Variants in NCAM2 observed in about 807,000 individuals in gnomAD.
NCAM2 encodes the protein N-CAM-2.
In NCAM2, 30 loss-of-function variants were observed where a neutral mutation model predicts 98.1. The ratio of observed to expected loss-of-function variants is 0.31; its 90% CI spans 0.23 to 0.41. NCAM2 has a LOEUF of 0.41. Among genes scored for constraint, NCAM2 ranks in the 10% least tolerant of loss-of-function variants. NCAM2 has a pLI of 1.00. For missense variants in NCAM2, 867 were observed against 1,005.8 expected (o/e 0.86, Z 1.87); for synonymous variants, 368 against 342.4 (o/e 1.07, Z -0.83).
intron 1 of NCAM2, among the ~76,000 whole-genome samples, chr21:21,176,564 T>C (rs2068296403): frequency 6.6e-6 from 1 of 152,100 alleles, no homozygotes; most frequent in Non-Finnish European, 1.5e-5. Context: ...ACACATTTAT[T>C]ACAATGTAAC....
At chr21:21,202,913 A>G (rs1456305234) in intron 1 of NCAM2, among the ~76,000 whole-genome samples, 2 of 152,130 alleles carry the variant, frequency 1.3e-5, no homozygotes, top group Non-Finnish European at 2.9e-5. Context: ...TAGGACATAT[A>G]TTTCATCATA....
At chr21:21,511,185 A>G (rs1988354762) in intron 16 of NCAM2, among the ~76,000 whole-genome samples, 1 of 151,898 alleles carries the variant, frequency 6.6e-6, no homozygotes, top group South Asian at 2.1e-4. Flanking sequence ...GCTGTTGTCA[A>G]TCTATTGTGA....
chr21:21,243,515 A>G (rs2071150085), intron 1 of NCAM2, among the ~76,000 whole-genome samples: 1 of 152,156 alleles, frequency 6.6e-6, no homozygotes, highest in East Asian at 1.9e-4. Flanking sequence ...GACAGTTAAG[A>G]GATGTCGAGA....
chr21:21,271,607 G>A (rs2072501925), intron 1 of NCAM2, among the ~76,000 whole-genome samples: 1 of 152,106 alleles, frequency 6.6e-6, no homozygotes, highest in Non-Finnish European at 1.5e-5. Flanking sequence ...AATTTTAGAA[G>A]ACAATGAAAG....
intron 6 of NCAM2, among the ~76,000 whole-genome samples, chr21:21,328,328 C>T (rs893999845): frequency 3.3e-5 from 5 of 151,736 alleles, no homozygotes; most frequent in Admixed American, 2.0e-4. Flanking sequence ...TTTACTATAC[C>T]GTACTTTTAA....
intron 1 of NCAM2, among the ~76,000 whole-genome samples, chr21:21,087,042 G>T (rs1159893514): frequency 1.3e-5 from 2 of 150,822 alleles, no homozygotes; most frequent in African/African-American, 4.9e-5. Flanking sequence ...TGACAAGAAT[G>T]ACATGAAAGT....
At chr21:21,411,125 C>CACACATATATGTATATATAT (rs1569033676) in intron 10 of NCAM2, among the ~76,000 whole-genome samples, 11 of 24,240 alleles carry the variant, frequency 4.5e-4, no homozygotes, top group African/African-American at 1.8e-3. Flanking sequence ...TATATATATA[C>CACACATATATGTATATATAT]ACATATATAT....
intron 1 of NCAM2, among the ~76,000 whole-genome samples, chr21:21,161,211 G>A (rs548667634): frequency 4.0e-5 from 6 of 151,772 alleles, no homozygotes; most frequent in Non-Finnish European, 7.4e-5. Context: ...ATAATCTTAA[G>A]ACAGAATGAA....
chr21:21,223,608 A>G (rs562308938), intron 1 of NCAM2: 1 of 152,254 alleles, frequency 6.6e-6, no homozygotes, highest in South Asian at 2.1e-4. Flanking sequence ...GCTCTTAAGA[A>G]TTTATAAAAC....
chr21:21,282,786 C>T (rs2072974817), intron 2 of NCAM2, among the ~76,000 whole-genome samples: 1 of 151,196 alleles, frequency 6.6e-6, no homozygotes, highest in African/African-American at 2.4e-5. Flanking sequence ...ACAAATAGTC[C>T]AGCCTTATCA....
chr21:21,323,505 A>G (rs2074431045), intron 5 of NCAM2, among the ~76,000 whole-genome samples: 1 of 152,132 alleles, frequency 6.6e-6, no homozygotes, highest in Admixed American at 6.6e-5. Context: ...ATATTAATAT[A>G]CTTAATTTTA....
At chr21:21,098,662 T>G (rs2066175196) in intron 1 of NCAM2, among the ~76,000 whole-genome samples, 1 of 151,860 alleles carries the variant, frequency 6.6e-6, no homozygotes, top group Non-Finnish European at 1.5e-5. Context: ...TTGACTTAAT[T>G]CTAAAGCTGA....
intron 15 of NCAM2, among the ~76,000 whole-genome samples, chr21:21,497,279 T>G (rs1987309641): frequency 6.6e-6 from 1 of 152,004 alleles, no homozygotes; most frequent in Admixed American, 6.6e-5. Flanking sequence ...TGATATGACT[T>G]CCAAACCTCA....
At chr21:21,143,001 A>C (rs2826702) in intron 1 of NCAM2, among the ~76,000 whole-genome samples, 66,106 of 151,956 alleles carry the variant, frequency 0.44, 14,912 homozygotes, top group African/African-American at 0.56. Context: ...CTGGTCATAC[A>C]TCTTTATAAA....
chr21:21,317,702 T>A (rs1441117062), intron 5 of NCAM2, among the ~76,000 whole-genome samples: 1 of 151,938 alleles, frequency 6.6e-6, no homozygotes, highest in East Asian at 1.9e-4. Context: ...CCTGCTAATT[T>A]TTTCTATTTT....
At chr21:21,187,473 A>C (rs2068678815) in intron 1 of NCAM2, among the ~76,000 whole-genome samples, 1 of 151,720 alleles carries the variant, frequency 6.6e-6, no homozygotes, top group Non-Finnish European at 1.5e-5. Context: ...AAAAAAGGGA[A>C]ATTCTATGTC....
chr21:21,421,386 A>AC (rs1555892306), intron 11 of NCAM2, among the ~76,000 whole-genome samples: 5 of 151,854 alleles, frequency 3.3e-5, no homozygotes, highest in Admixed American at 3.3e-4. Flanking sequence ...AATATTGGAA[A>AC]TTTTTTGAAT....
At chr21:21,066,360 A>G (rs914043202) in intron 1 of NCAM2, among the ~76,000 whole-genome samples, 3 of 152,110 alleles carry the variant, frequency 2.0e-5, no homozygotes, top group African/African-American at 7.2e-5. Context: ...ACCTGATTTG[A>G]TTTGAATTAT....
intron 16 of NCAM2, among the ~76,000 whole-genome samples, chr21:21,518,915 T>C (rs1250579255): frequency 6.6e-6 from 1 of 152,146 alleles, no homozygotes; most frequent in African/African-American, 2.4e-5. Flanking sequence ...AGGCAGGATG[T>C]TAAGTTGTTA....
Sources: gnomAD v4.1 joint callset for allele counts (sites outside exome capture counted in the v4.1 genomes callset) on GRCh38, gnomAD v4.1.1 for gene constraint, MANE v1.5 for transcripts, NCBI Gene and HGNC (gene_info 2026-07-23, HGNC 2026-07-21) for gene names.